The following SEL1L2 variants were observed in gnomAD, a reference collection of about 807,000 sequenced individuals.
SEL1L2 encodes protein sel-1 homolog 2.
SEL1L2 carries 89 observed loss-of-function variants against 98.8 expected under a neutral mutation model. The ratio of observed to expected loss-of-function variants is 0.90; its 90% CI spans 0.76 to 1.07. The LOEUF (loss-of-function observed/expected upper bound fraction) is 1.07. Among genes scored for constraint, SEL1L2 ranks in the 50% least tolerant of loss-of-function variants. SEL1L2 has a pLI of 0.00. For missense variants in SEL1L2, 788 were observed against 812.0 expected, an observed-to-expected ratio of 0.97 and a Z score of 0.36; for synonymous variants, 262 against 278.5, an observed-to-expected ratio of 0.94 and a Z score of 0.59.
At chr20:13,922,538 T>C (rs527714724) in intron 3 of SEL1L2, among the ~76,000 whole-genome samples, 1 of 152,210 alleles carries the variant, frequency 6.6e-6, no homozygotes, top group Non-Finnish European at 1.5e-5. Context: ...CTGAAGCTGG[T>C]TTATATTAAG....
intron 1 of SEL1L2, among the ~76,000 whole-genome samples, chr20:13,959,525 C>G (rs191423089): frequency 6.6e-6 from 1 of 152,184 alleles, no homozygotes; most frequent in Admixed American, 6.5e-5. Flanking sequence ...AAGGCCTGAC[C>G]GCTCGTCGTA....
intron 1 of SEL1L2, among the ~76,000 whole-genome samples, chr20:13,967,684 C>T (rs947100363): frequency 6.6e-6 from 1 of 152,172 alleles, no homozygotes; most frequent in Admixed American, 6.5e-5. Flanking sequence ...CTCACCTAAG[C>T]TCTTCCCATT....
At chr20:13,855,797 T>C (rs949344337) in intron 18 of SEL1L2, among the ~76,000 whole-genome samples, 1 of 152,248 alleles carries the variant, frequency 6.6e-6, no homozygotes, top group African/African-American at 2.4e-5. Flanking sequence ...CACTTTCACT[T>C]CCACTTCCAC....
At chr20:13,861,869 C>G (rs1044417828) in intron 17 of SEL1L2, among the ~76,000 whole-genome samples, 2 of 152,136 alleles carry the variant, frequency 1.3e-5, no homozygotes, top group Non-Finnish European at 2.9e-5. Flanking sequence ...GCTGGCTTCT[C>G]GTCATTCTCA....
At chr20:13,884,920 A>G (rs889912830) in intron 10 of SEL1L2, among the ~76,000 whole-genome samples, 3 of 152,210 alleles carry the variant, frequency 2.0e-5, no homozygotes, top group Non-Finnish European at 4.4e-5. Flanking sequence ...ATTAAAAGCA[A>G]TCTGTCTTCT....
chr20:13,986,684 T>C (rs2052201173), intron 1 of SEL1L2, among the ~76,000 whole-genome samples: 1 of 152,250 alleles, frequency 6.6e-6, no homozygotes, highest in African/African-American at 2.4e-5. Flanking sequence ...TTTCCACCTT[T>C]AAGCTCTAAT....
intron 1 of SEL1L2, among the ~76,000 whole-genome samples, chr20:13,987,854 G>C (rs574798964): frequency 6.6e-6 from 1 of 152,114 alleles, no homozygotes; most frequent in African/African-American, 2.4e-5. Context: ...GAGTTGTAAG[G>C]TTCTTTGTAT....
At chr20:13,872,125 C>T (rs147712830) in intron 12 of SEL1L2, among the ~76,000 whole-genome samples, 1 of 152,326 alleles carries the variant, frequency 6.6e-6, no homozygotes, top group East Asian at 1.9e-4. Context: ...CTTCTTCCCT[C>T]TTCTCTCCTG....
At chr20:13,889,981 AT>A (rs1361556001) in intron 5 of SEL1L2, among the ~76,000 whole-genome samples, 1 of 152,236 alleles carries the variant, frequency 6.6e-6, no homozygotes, top group Non-Finnish European at 1.5e-5. Flanking sequence ...CAATGATTTA[AT>A]TATAAATGAT....
chr20:13,897,461 G>T (rs1464020247), intron 5 of SEL1L2, among the ~76,000 whole-genome samples: 4 of 152,146 alleles, frequency 2.6e-5, no homozygotes, highest in African/African-American at 9.7e-5. Flanking sequence ...CAGTAAAACA[G>T]CAATCTATGG....
chr20:13,930,481 G>T (rs2049097907), intron 3 of SEL1L2, among the ~76,000 whole-genome samples: 1 of 152,138 alleles, frequency 6.6e-6, no homozygotes, highest in Non-Finnish European at 1.5e-5. Context: ...GAAATAAATA[G>T]TCTCTTTATT....
At chr20:13,946,178 A>G (rs1204934908) in intron 2 of SEL1L2, among the ~76,000 whole-genome samples, 2 of 152,176 alleles carry the variant, frequency 1.3e-5, no homozygotes, top group Non-Finnish European at 2.9e-5. Flanking sequence ...AAAGTTATCC[A>G]AATTGGAAAA....
chr20:13,933,911 A>C (rs1262911237), intron 2 of SEL1L2, among the ~76,000 whole-genome samples: 4 of 150,364 alleles, frequency 2.7e-5, no homozygotes, highest in Non-Finnish European at 4.4e-5. Flanking sequence ...TTAAATTTTA[A>C]CTGAAATTTA....
intron 1 of SEL1L2, among the ~76,000 whole-genome samples, chr20:13,989,819 T>C (rs546077850): frequency 6.6e-5 from 10 of 152,322 alleles, no homozygotes; most frequent in African/African-American, 2.2e-4. Flanking sequence ...TCTTTTTTTT[T>C]CCTTTTCTCT....
intron 5 of SEL1L2, among the ~76,000 whole-genome samples, chr20:13,903,638 C>A (rs1002418271): frequency 5.9e-5 from 9 of 152,062 alleles, no homozygotes; most frequent in African/African-American, 1.4e-4. Context: ...CATGGTGAAA[C>A]CCTGTCTCTA....
chr20:13,876,321 G>A (rs1486977824), intron 11 of SEL1L2, among the ~76,000 whole-genome samples: 1 of 150,984 alleles, frequency 6.6e-6, no homozygotes, highest in Non-Finnish European at 1.5e-5. Context: ...GAAAAAGTAA[G>A]AGTACCATTT....
chr20:13,975,875 A>G (rs2051508284), intron 1 of SEL1L2, among the ~76,000 whole-genome samples: 1 of 152,182 alleles, frequency 6.6e-6, no homozygotes, highest in Non-Finnish European at 1.5e-5. Flanking sequence ...GTTTATAGAG[A>G]CAGGGTCTTA....
chr20:13,904,238 T>A (rs1261349400), intron 5 of SEL1L2, among the ~76,000 whole-genome samples: 2 of 152,094 alleles, frequency 1.3e-5, no homozygotes, highest in Non-Finnish European at 2.9e-5. Context: ...AAAAAATATA[T>A]ATGTATTTGG....
intron 10 of SEL1L2, among the ~76,000 whole-genome samples, chr20:13,878,189 C>A (rs574636528): frequency 3.4e-4 from 52 of 152,172 alleles, no homozygotes; most frequent in Non-Finnish European, 6.9e-4. Flanking sequence ...TAAGGGCTGA[C>A]CTTGTCCCTT....
Sources: gnomAD v4.1 joint callset for allele counts (sites outside exome capture counted in the v4.1 genomes callset) on GRCh38, gnomAD v4.1.1 for gene constraint, MANE v1.5 for transcripts, NCBI Gene and HGNC (gene_info 2026-07-23, HGNC 2026-07-21) for gene names.